SPMIP2: variants seen among roughly 807,000 people sequenced by gnomAD.
The protein encoded by SPMIP2 is protein SPMIP2.
the SPMIP2 span, among the ~76,000 whole-genome samples, chr4:158,960,969 G>C: frequency 7.1e-6 from 1 of 140,796 alleles, no homozygotes; most frequent in Non-Finnish European, 1.5e-5. Context: ...CTCTTCTCTA[G>C]GAACTGTCAG....
At chr4:159,030,471 ATTTATTTAT>A in the SPMIP2 span, among the ~76,000 whole-genome samples, 6 of 15,514 alleles carry the variant, frequency 3.9e-4, no homozygotes, top group African/African-American at 2.3e-3. Context: ...AATTTTATTT[ATTTATTTAT>A]TTATTTATTT....
chr4:158,901,658 C>A, the SPMIP2 span, among the ~76,000 whole-genome samples: 1 of 152,126 alleles, frequency 6.6e-6, no homozygotes, highest in Non-Finnish European at 1.5e-5. Flanking sequence ...TTCACATAGT[C>A]TCATATTTCT....
the SPMIP2 span, among the ~76,000 whole-genome samples, chr4:159,082,217 C>G: frequency 6.6e-6 from 1 of 151,060 alleles, no homozygotes; most frequent in Non-Finnish European, 1.5e-5. Flanking sequence ...CCTGTAATCC[C>G]AGCTACTCTG....
the SPMIP2 span, among the ~76,000 whole-genome samples, chr4:159,021,908 G>C: frequency 2.9e-3 from 444 of 152,308 alleles, 4 homozygotes; most frequent in African/African-American, 0.01. Flanking sequence ...TGGATCTTGC[G>C]TTCTAAGTGA....
the SPMIP2 span, among the ~76,000 whole-genome samples, chr4:158,969,113 C>G: frequency 6.6e-6 from 1 of 152,114 alleles, no homozygotes; most frequent in Admixed American, 6.5e-5. Context: ...AGTGAGTCAT[C>G]ATGTCCAGTG....
At chr4:159,061,094 A>T in the SPMIP2 span, among the ~76,000 whole-genome samples, 53,751 of 143,672 alleles carry the variant, frequency 0.37, 10,384 homozygotes, top group East Asian at 0.64. Flanking sequence ...CAAAAAAAAA[A>T]ATATATATAT....
the SPMIP2 span, among the ~76,000 whole-genome samples, chr4:158,933,258 G>A: frequency 6.6e-6 from 1 of 152,192 alleles, no homozygotes; most frequent in East Asian, 1.9e-4. Flanking sequence ...GCCTCCCAAA[G>A]TGCTGGGATT....
the SPMIP2 span, among the ~76,000 whole-genome samples, chr4:158,929,005 G>C: frequency 2.0e-5 from 3 of 152,124 alleles, no homozygotes; most frequent in African/African-American, 7.2e-5. Context: ...CACTCACTGC[G>C]AGCGTCCGAG....
the SPMIP2 span, among the ~76,000 whole-genome samples, chr4:158,946,602 C>A: frequency 6.6e-6 from 1 of 152,194 alleles, no homozygotes; most frequent in Non-Finnish European, 1.5e-5. Context: ...TTTCCTGAGG[C>A]CTCCCCAGCC....
the SPMIP2 span, among the ~76,000 whole-genome samples, chr4:158,927,516 G>A: frequency 1.3e-5 from 2 of 152,210 alleles, no homozygotes; most frequent in Non-Finnish European, 2.9e-5. Context: ...CAGTGCAGTG[G>A]TATTGAGAGG....
the SPMIP2 span, among the ~76,000 whole-genome samples, chr4:158,915,614 A>G: frequency 6.6e-6 from 1 of 152,144 alleles, no homozygotes; most frequent in African/African-American, 2.4e-5. Flanking sequence ...CGAATGCACT[A>G]CTGTCCTTTC....
chr4:159,007,452 G>A, the SPMIP2 span: 3 of 681,520 alleles, frequency 4.4e-6, no homozygotes, highest in Non-Finnish European at 8.2e-6. Context: ...CCAGGAGTCT[G>A]TAGTCTCAAA....
At chr4:158,986,319 A>G in the SPMIP2 span, among the ~76,000 whole-genome samples, 1 of 152,110 alleles carries the variant, frequency 6.6e-6, no homozygotes, top group Non-Finnish European at 1.5e-5. Flanking sequence ...AAGAGCCCGC[A>G]TTGCCAAGTC....
At chr4:158,953,796 G>A in the SPMIP2 span, among the ~76,000 whole-genome samples, 2 of 152,174 alleles carry the variant, frequency 1.3e-5, no homozygotes, top group Non-Finnish European at 2.9e-5. Flanking sequence ...GGAGTCAAAG[G>A]AGATCAAATT....
At chr4:158,995,619 G>A in the SPMIP2 span, among the ~76,000 whole-genome samples, 31 of 152,174 alleles carry the variant, frequency 2.0e-4, no homozygotes, top group African/African-American at 7.5e-4. Flanking sequence ...AGCACTTTGG[G>A]AGGCCGAGGC....
At chr4:159,064,094 G>A in the SPMIP2 span, among the ~76,000 whole-genome samples, 2 of 151,958 alleles carry the variant, frequency 1.3e-5, no homozygotes, top group African/African-American at 2.4e-5. Flanking sequence ...GCCTGTAATC[G>A]CAGCTACTCA....
the SPMIP2 span, among the ~76,000 whole-genome samples, chr4:159,078,456 C>T: frequency 2.0e-5 from 3 of 152,194 alleles, no homozygotes; most frequent in Admixed American, 1.3e-4. Context: ...GCAAATAGTG[C>T]CCCAGTGGAG....
At chr4:158,895,741 G>A in the SPMIP2 span, 2 of 1,560,482 alleles carry the variant, frequency 1.3e-6, no homozygotes, top group Non-Finnish European at 1.8e-6. Flanking sequence ...AATGTTCTTG[G>A]CTTTGCAGTG....
chr4:158,959,141 T>G, the SPMIP2 span, among the ~76,000 whole-genome samples: 1 of 152,212 alleles, frequency 6.6e-6, no homozygotes, highest in Admixed American at 6.5e-5. Context: ...GCCCAGGGCT[T>G]CAGTGTTTCT....
Sources: gnomAD v4.1 joint callset for allele counts (sites outside exome capture counted in the v4.1 genomes callset) on GRCh38, gnomAD v4.1.1 for gene constraint, MANE v1.5 for transcripts, NCBI Gene and HGNC (gene_info 2026-07-23, HGNC 2026-07-21) for gene names.